CDH6: variants seen among roughly 807,000 people sequenced by gnomAD.
CDH6 encodes the protein cadherin 6.
In CDH6, 31 loss-of-function variants were observed where a neutral mutation model predicts 78.0. The ratio of observed to expected loss-of-function variants is 0.40; its 90% CI spans 0.30 to 0.54. The LOEUF (loss-of-function observed/expected upper bound fraction) is 0.54, where lower values mean the gene tolerates loss of function less well. CDH6 is among the 20% of genes least tolerant of loss of function. The probability of loss-of-function intolerance (pLI) is 0.56; values close to 1 mark genes in which losing one functional copy is unlikely to be tolerated. For synonymous variants in CDH6, 376 were observed against 368.8 expected, an observed-to-expected ratio of 1.02 and a Z score of -0.23; for missense variants, 724 against 975.9, an observed-to-expected ratio of 0.74 and a Z score of 3.44.
chr5:31,285,466 GT>G (rs1181855919), intron 2 of CDH6, among the ~76,000 whole-genome samples: 30 of 152,298 alleles, frequency 2.0e-4, no homozygotes, highest in Admixed American at 1.5e-3. Flanking sequence ...TAACAGTAAA[GT>G]GTCTAATTTC....
At chr5:31,201,073 T>C (rs575573114) in intron 1 of CDH6, among the ~76,000 whole-genome samples, 1 of 152,292 alleles carries the variant, frequency 6.6e-6, no homozygotes, top group East Asian at 1.9e-4. Flanking sequence ...TTGAATGTTA[T>C]TGCTTTTTAT....
chr5:31,237,203 A>G (rs1741476302), intron 1 of CDH6, among the ~76,000 whole-genome samples: 1 of 152,154 alleles, frequency 6.6e-6, no homozygotes, highest in Non-Finnish European at 1.5e-5. Flanking sequence ...GAAAAGAATG[A>G]ATCAGCCACC....
Position 31,289,975 on chromosome 5 carries a change from A to C in CDH6, c.229-3987A>C, listed in dbSNP as rs555193127. ...GCCAAGATGCTGTATTAAAAAAAAA[A>C]ATGGGCACAGTGGCTCACACCTGTA... is the stretch of plus-strand genomic sequence containing the variant. On this transcript the variant is annotated intron_variant, in intron 2 of 11. Transcript: ENST00000265071. Among the ~76,000 whole-genome samples the C allele has an allele frequency of 2.0e-5, 3 of 152,186 alleles. No homozygotes were observed. The South Asian group carries it at 6.2e-4, about 32-fold the overall frequency.
intron 1 of CDH6, among the ~76,000 whole-genome samples, chr5:31,248,190 G>T (rs1450349761): frequency 6.6e-6 from 1 of 152,170 alleles, no homozygotes; most frequent in East Asian, 1.9e-4. Context: ...TCATTGGCAT[G>T]AGTACGATGT....
chr5:31,328,571 A>G lies in CDH6; in HGVS notation c.*5263A>G, dbSNP rs1738667170. The G allele has an allele frequency of 9.7e-6, 2 of 205,714 alleles. No homozygotes were observed. Among genetic ancestry groups the G allele is most frequent in the Middle Eastern group, 1.5e-3 (1 of 656 alleles). 12.7% of individuals were successfully genotyped at this position (205,714 alleles called of 1,614,324 possible). ...TGAACTGCCTAAGAGTAGGCCTTAT[A>G]ATAAATGCTATGTGCGTCTTCAGTA... On this transcript the variant is annotated 3_prime_UTR_variant, in exon 12 of 12. Transcript: ENST00000265071.
chr5:31,246,386 CA>C (rs1184061663), intron 1 of CDH6, among the ~76,000 whole-genome samples: 4 of 152,162 alleles, frequency 2.6e-5, no homozygotes, highest in Non-Finnish European at 5.9e-5. Flanking sequence ...ATTAAAATGT[CA>C]AGGATAATTT....
At chr5:31,205,060 G>T (rs532395063) in intron 1 of CDH6, among the ~76,000 whole-genome samples, 1 of 152,294 alleles carries the variant, frequency 6.6e-6, no homozygotes, top group Non-Finnish European at 1.5e-5. Context: ...GGAGAAAGGA[G>T]AAAATGGCTT....
At chr5:31,318,298 G>T (rs2909570) in intron 11 of CDH6, 216,202 of 419,070 alleles carry the variant, frequency 0.52, 57,400 homozygotes, top group East Asian at 0.55. Flanking sequence ...TATGATGAGG[G>T]CCCTTTCTAT....
intron 1 of CDH6, among the ~76,000 whole-genome samples, chr5:31,234,147 A>T (rs1741390587): frequency 6.6e-6 from 1 of 152,234 alleles, no homozygotes; most frequent in African/African-American, 2.4e-5. Context: ...GTGTAGCCTC[A>T]TAACAATTGT....
chr5:31,279,204 A>G (rs1742788078), intron 2 of CDH6, among the ~76,000 whole-genome samples: 1 of 152,216 alleles, frequency 6.6e-6, no homozygotes, highest in Non-Finnish European at 1.5e-5. Context: ...GGCCGCCTTA[A>G]CACATATTGT....
chr5:31,193,990 G>T (rs1303131852), intron 1 of CDH6, 104 bp downstream of exon 1: 1 of 2,594 alleles, frequency 3.9e-4, no homozygotes, highest in Non-Finnish European at 0.011. Context: ...TCCGCCCGGT[G>T]GGTGCCGCGC....
At chr5:31,272,544 G>A (rs1170739574) in intron 2 of CDH6, among the ~76,000 whole-genome samples, 6 of 152,148 alleles carry the variant, frequency 3.9e-5, no homozygotes, top group East Asian at 3.8e-4. Context: ...ACAGGTAGAC[G>A]TAGATACAGA....
At chr5:31,317,113 A>G (rs1409968733) in intron 9 of CDH6, among the ~76,000 whole-genome samples, 1 of 152,170 alleles carries the variant, frequency 6.6e-6, no homozygotes, top group African/African-American at 2.4e-5. Flanking sequence ...GGTGCTACTG[A>G]TATCTCGTGG....
At chr5:31,278,980 T>C (rs1444961620) in intron 2 of CDH6, among the ~76,000 whole-genome samples, 1 of 152,180 alleles carries the variant, frequency 6.6e-6, no homozygotes, top group Non-Finnish European at 1.5e-5. Flanking sequence ...CTTATTATTC[T>C]AGAGCATGAG....
chr5:31,310,729 C>G (rs899142165), intron 7 of CDH6, among the ~76,000 whole-genome samples: 2 of 152,200 alleles, frequency 1.3e-5, no homozygotes, highest in South Asian at 4.1e-4. Flanking sequence ...CATGTAGATG[C>G]CACCAAGCCT....
Position 31,302,383 on chromosome 5 carries a change from C to T in CDH6, c.999+85C>T, listed in dbSNP as rs1429191113. ...AGTTACCAGGGGCAATTATATCTCACATAAACATTCCTTTAGATTTTTATT... is the reference window on the plus strand; with the variant it reads ...AGTTACCAGGGGCAATTATATCTCATATAAACATTCCTTTAGATTTTTATT... On this transcript the variant is annotated intron_variant, in intron 6 of 11. Transcript: ENST00000265071. 8 of 950,484 alleles carry T rather than the reference C, an allele frequency of 8.4e-6. No homozygotes were observed. The South Asian group carries it at 1.0e-4, about 12-fold the overall frequency. 58.9% of individuals were successfully genotyped at this position (950,484 alleles called of 1,614,324 possible).
intron 1 of CDH6, among the ~76,000 whole-genome samples, chr5:31,214,335 A>T (rs1413092650): frequency 1.3e-5 from 2 of 152,142 alleles, no homozygotes; most frequent in African/African-American, 2.4e-5. Context: ...ATATATTTTT[A>T]AAAGGCATTA....
At position 31,325,454 on chromosome 5, in the gene CDH6, C is replaced by T. The variant is rs929055761; in HGVS notation, c.*2146C>T. 4.3e-6 allele frequency: 1 copy of T among 231,062 alleles called. No individual in the cohort carries two copies. The highest frequency in any genetic ancestry group is 8.6e-6 in the Non-Finnish European group (1 of 116,886). 14.3% of individuals were successfully genotyped at this position (231,062 alleles called of 1,614,324 possible). ...GAAAAAAGCTTAGTAAAGTTAGAAG[C>T]TACTTACTCATAGCAATAGAACAGC... On this transcript the variant is annotated 3_prime_UTR_variant, in exon 12 of 12. Transcript: ENST00000265071.
At chr5:31,249,656 C>T (rs988878054) in intron 1 of CDH6, 2 of 152,250 alleles carry the variant, frequency 1.3e-5, no homozygotes, top group Non-Finnish European at 2.9e-5. Context: ...AGCATCTGTA[C>T]TTCCCTTAAA....
Sources: allele counts gnomAD v4.1 joint callset (sites outside exome capture counted in the v4.1 genomes callset), GRCh38; gene constraint gnomAD v4.1.1; transcripts MANE v1.5; gene names NCBI Gene and HGNC (gene_info 2026-07-23, HGNC 2026-07-21).